RBFOX1: variants seen among roughly 807,000 people sequenced by gnomAD.
RBFOX1 encodes RNA binding protein fox-1 homolog 1.
A neutral mutation model predicts 57.7 loss-of-function variants in RBFOX1; 8 were observed. The observed-to-expected ratio is 0.14, with a 90% CI of 0.08 to 0.25. RBFOX1 has a LOEUF of 0.25. Ranked by LOEUF, RBFOX1 falls within the 10% of genes least tolerant of loss-of-function variation. RBFOX1 has a pLI of 1.00. For synonymous variants in RBFOX1, 326 were observed against 222.4 expected (o/e 1.47, Z -4.15); for missense variants, 611 against 548.5 (o/e 1.11, Z -1.14).
chr16:5,800,890 A>G (rs754413301), intron 3 of RBFOX1, among the ~76,000 whole-genome samples: 1 of 152,102 alleles, frequency 6.6e-6, no homozygotes, highest in Non-Finnish European at 1.5e-5. Flanking sequence ...AAAATGAGTT[A>G]ATAGTTTAAA....
At chr16:5,769,487 C>CAAA (rs113487749) in intron 3 of RBFOX1, among the ~76,000 whole-genome samples, 3 of 121,582 alleles carry the variant, frequency 2.5e-5, no homozygotes, top group African/African-American at 9.3e-5. Context: ...CTAAAAAATA[C>CAAA]AAAAAAAAAA....
chr16:5,548,400 G>T (rs904412471), intron 2 of RBFOX1, among the ~76,000 whole-genome samples: 8 of 151,408 alleles, frequency 5.3e-5, no homozygotes, highest in African/African-American at 1.9e-4. Context: ...TTAAAAAAAG[G>T]AGCACACACA....
At chr16:6,906,649 C>T (rs536275035) in intron 3 of RBFOX1, among the ~76,000 whole-genome samples, 1 of 152,026 alleles carries the variant, frequency 6.6e-6, no homozygotes, top group South Asian at 2.1e-4. Context: ...GCGTTTTCTT[C>T]ATCTCTGAAC....
At chr16:7,467,530 G>C (rs1331411670) in intron 4 of RBFOX1, among the ~76,000 whole-genome samples, 1 of 152,162 alleles carries the variant, frequency 6.6e-6, no homozygotes, top group Non-Finnish European at 1.5e-5. Flanking sequence ...TGAGAACATG[G>C]ATTTTGGAAT....
chr16:6,157,814 GATAATT>G (rs1044349511), intron 1 of RBFOX1, among the ~76,000 whole-genome samples: 2 of 152,158 alleles, frequency 1.3e-5, no homozygotes, highest in African/African-American at 4.8e-5. Flanking sequence ...ATTTTGCTAA[GATAATT>G]ATCAGCAATG....
At chr16:7,379,843 C>T (rs1284266315) in intron 4 of RBFOX1, among the ~76,000 whole-genome samples, 4 of 151,780 alleles carry the variant, frequency 2.6e-5, no homozygotes, top group South Asian at 4.2e-4. Flanking sequence ...TCCCTTCCTT[C>T]CTCTTTTCTC....
At chr16:5,423,970 G>A (rs1223484062) in intron 1 of RBFOX1, among the ~76,000 whole-genome samples, 1 of 152,096 alleles carries the variant, frequency 6.6e-6, no homozygotes, top group Admixed American at 6.5e-5. Flanking sequence ...CGAAGCTCGG[G>A]GCTTTGCAAT....
intron 1 of RBFOX1, among the ~76,000 whole-genome samples, chr16:6,200,252 C>T (rs2097206481): frequency 2.0e-5 from 3 of 152,266 alleles, no homozygotes; most frequent in South Asian, 4.1e-4. Flanking sequence ...CGGGATTCTC[C>T]CTAATGACAA....
chr16:5,722,926 T>C (rs186015794), intron 3 of RBFOX1, among the ~76,000 whole-genome samples: 37 of 152,320 alleles, frequency 2.4e-4, no homozygotes, highest in Non-Finnish European at 4.6e-4. Context: ...TCACCATATT[T>C]AATGATCGGT....
intron 4 of RBFOX1, among the ~76,000 whole-genome samples, chr16:5,890,082 T>A (rs1213960979): frequency 1.3e-5 from 2 of 152,304 alleles, no homozygotes; most frequent in Middle Eastern, 3.4e-3. Context: ...ACGAACAGAC[T>A]GCCAGATCTT....
At chr16:7,116,325 T>G (rs1221166433) in intron 4 of RBFOX1, among the ~76,000 whole-genome samples, 1 of 152,148 alleles carries the variant, frequency 6.6e-6, no homozygotes, top group African/African-American at 2.4e-5. Context: ...AAAATTGTCC[T>G]CATGAGCAGT....
intron 1 of RBFOX1, among the ~76,000 whole-genome samples, chr16:6,150,081 T>C (rs1409263529): frequency 2.0e-5 from 3 of 152,166 alleles, no homozygotes; most frequent in Non-Finnish European, 4.4e-5. Context: ...GGTGTTGGAA[T>C]GGTAGATGAT....
rs186096675 is a variant in RBFOX1 at position 6,839,883 on chromosome 16, C to A, written c.-16+185233C>A. ...TTTGGGGTATCTTTTCCCCTCCCATCCCATTCTCTCGATTTCTTAACTTTC... is the reference window on the plus strand; with the variant it reads ...TTTGGGGTATCTTTTCCCCTCCCATACCATTCTCTCGATTTCTTAACTTTC... On this transcript the variant is annotated intron_variant, in intron 3 of 15. Transcript: ENST00000550418. 7.4e-4 allele frequency among the ~76,000 whole-genome samples: 113 copies of A among 152,314 alleles called. 1 individual carries two copies. Among genetic ancestry groups the A allele is most frequent in the Non-Finnish European group, 1.0e-3 (69 of 68,026 alleles).
intron 1 of RBFOX1, among the ~76,000 whole-genome samples, chr16:5,279,088 T>G (rs2063209663): frequency 1.3e-5 from 2 of 152,162 alleles, no homozygotes; most frequent in Admixed American, 1.3e-4. Context: ...TGTGGTTCCA[T>G]GTGAATTTCA....
chr16:7,537,492 C>T (rs1394374670), intron 5 of RBFOX1, among the ~76,000 whole-genome samples: 1 of 151,950 alleles, frequency 6.6e-6, no homozygotes, highest in Non-Finnish European at 1.5e-5. Flanking sequence ...AGTAATATGT[C>T]TGACTCTAGA....
At chr16:5,425,741 C>A (rs1264963092) in intron 1 of RBFOX1, among the ~76,000 whole-genome samples, 8 of 152,176 alleles carry the variant, frequency 5.3e-5, no homozygotes, top group Admixed American at 5.2e-4. Flanking sequence ...CATGCACCTG[C>A]TGGTCCACAC....
chr16:5,374,378 G>A (rs1461975569), intron 1 of RBFOX1, among the ~76,000 whole-genome samples: 1 of 152,230 alleles, frequency 6.6e-6, no homozygotes, highest in Non-Finnish European at 1.5e-5. Flanking sequence ...AGGCTTCCTG[G>A]AGGAGGTGGC....
chr16:6,019,756 A>G lies in RBFOX1; in HGVS notation c.-363A>G. The G allele has an allele frequency of 7.2e-7, 1 of 1,387,706 alleles. No individual in the cohort carries two copies. The highest frequency in any genetic ancestry group is 2.8e-5 in the East Asian group (1 of 36,068). The allele number at this position is 1,387,706 out of a possible 1,614,324, so 86.0% of individuals were successfully genotyped here. A position where few individuals can be genotyped will look rare whatever the true frequency, so the allele number is the denominator to read the frequency against. ...GGGATTGAGAGTCCTTGCGCTCCAG[A>G]CCCCCACCCAGTGGCCGCCAGGGTC... On this transcript the variant is annotated 5_prime_UTR_variant, in exon 1 of 16. Coordinates refer to ENST00000550418, the MANE Select transcript of RBFOX1 (RefSeq NM_018723.4). This position sits in a 1 kb window ranked among gnomAD's most constrained non-coding sequence, Gnocchi z 4.2.
chr16:7,557,826 G>A (rs1027361649), intron 5 of RBFOX1, among the ~76,000 whole-genome samples: 2 of 151,872 alleles, frequency 1.3e-5, no homozygotes, highest in Non-Finnish European at 2.9e-5. Flanking sequence ...CTGATCTGAA[G>A]CATTTGCCAA....
Sources: allele counts gnomAD v4.1 joint callset (sites outside exome capture counted in the v4.1 genomes callset), GRCh38; gene constraint gnomAD v4.1.1; non-coding constraint Gnocchi (gnomAD v3.1); transcripts MANE v1.5; gene names NCBI Gene and HGNC (gene_info 2026-07-23, HGNC 2026-07-21).